MKRN2OS: variants seen among roughly 807,000 people sequenced by gnomAD.
MKRN2OS encodes the protein MKRN2 opposite strand protein.
A neutral mutation model predicts 18.2 loss-of-function variants in MKRN2OS; 17 were observed. The ratio of observed to expected loss-of-function variants is 0.93; its 90% CI spans 0.64 to 1.40. The LOEUF (loss-of-function observed/expected upper bound fraction) is 1.40, where lower values mean the gene tolerates loss of function less well. Among genes scored for constraint, MKRN2OS ranks in the 40% most tolerant of loss-of-function variants. The pLI is 0.00. For missense variants in MKRN2OS, 337 were observed against 283.0 expected, an observed-to-expected ratio of 1.19 and a Z score of -1.37; for synonymous variants, 121 against 108.5, an observed-to-expected ratio of 1.12 and a Z score of -0.72.
intron 1 of MKRN2OS, chr3:12,557,223 AG>A (rs1465946335): frequency 2.1e-5 from 32 of 1,523,462 alleles, no homozygotes; most frequent in Middle Eastern, 1.7e-4. Context: ...CCCAGGCCGC[AG>A]GGGGGCCGGT....
Position 12,540,103 on chromosome 3 carries a change from C to G in MKRN2OS, c.*90G>C. The G allele has an allele frequency of 6.6e-7, 1 of 1,504,772 alleles. No homozygotes were observed. Among genetic ancestry groups the G allele is most frequent in the Non-Finnish European group, 8.9e-7 (1 of 1,124,500 alleles). The allele number at this position is 1,504,772 out of a possible 1,614,324, so 93.2% of individuals were successfully genotyped here. On this transcript the variant is annotated 3_prime_UTR_variant, in exon 4 of 4. Coordinates refer to ENST00000564146, the MANE Select transcript of MKRN2OS (RefSeq NM_001195279.2). Reference sequence around the variant, plus strand: ...CCCGGCCCATACACGCTTTTATTAACCACAGTTAAATGCATTTAGAAATCC... The same window carrying G: ...CCCGGCCCATACACGCTTTTATTAAGCACAGTTAAATGCATTTAGAAATCC...
upstream of MKRN2OS, among the ~76,000 whole-genome samples, chr3:12,548,852 C>A (rs113266490): frequency 7.5e-3 from 1,148 of 152,146 alleles, 15 homozygotes; most frequent in African/African-American, 0.026. Flanking sequence ...TTTTCTCTAT[C>A]TTAATCTTGT....
rs751258208 is a variant in MKRN2OS at position 12,539,923 on chromosome 3, T to C, written c.*270A>G. The C allele has an allele frequency of 5.6e-5, 23 of 407,218 alleles. No homozygotes were observed. The highest frequency in any genetic ancestry group is 8.7e-5 in the Non-Finnish European group (19 of 217,492). The allele number at this position is 407,218 out of a possible 1,614,324, so 25.2% of individuals were successfully genotyped here. A position where few individuals can be genotyped will look rare whatever the true frequency, so the allele number is the denominator to read the frequency against. On this transcript the variant is annotated 3_prime_UTR_variant, in exon 4 of 4. Coordinates refer to ENST00000564146, the MANE Select transcript of MKRN2OS (RefSeq NM_001195279.2). ...GCTTCAGCCTCCCTAGTAGTTGGGA[T>C]TACAGGCATGCGCCACCATGCCCAG...
chr3:12,560,755 AC>A (rs1160637264), intron 1 of MKRN2OS: 1 of 152,264 alleles, frequency 6.6e-6, no homozygotes, highest in African/African-American at 2.4e-5. Flanking sequence ...GAAAGAACCT[AC>A]CTGCTCTGAG....
chr3:12,550,349 G>C (rs538756115), upstream of MKRN2OS, among the ~76,000 whole-genome samples: 15 of 152,206 alleles, frequency 9.9e-5, no homozygotes, highest in South Asian at 3.1e-3. Flanking sequence ...GGCTGTATAC[G>C]GTATGACTCC....
At chr3:12,557,303 G>A (rs1357502851) in intron 1 of MKRN2OS, 1 of 1,294,172 alleles carries the variant, frequency 7.7e-7, no homozygotes, top group Admixed American at 2.9e-5. Context: ...GGCTGTTCGC[G>A]GCGGGGCTTT....
chr3:12,546,301 G>A (rs2057882076), upstream of MKRN2OS, among the ~76,000 whole-genome samples: 1 of 152,072 alleles, frequency 6.6e-6, no homozygotes, highest in South Asian at 2.1e-4. Context: ...ATGTTCTGGG[G>A]ATTTTTTTAA....
intron 1 of MKRN2OS, chr3:12,556,968 C>T: frequency 1.8e-6 from 1 of 561,254 alleles, no homozygotes; most frequent in Non-Finnish European, 2.7e-6. Context: ...CGGTGCGGAA[C>T]CAATTGTGAC....
rs554874646 is a variant in MKRN2OS, at chr3:12,555,067, T to C, written n.265-933A>G. Among the ~76,000 whole-genome samples, 6 of 152,334 alleles carry C rather than the reference T, an allele frequency of 3.9e-5. No individual in the cohort carries two copies. The East Asian group carries it at 9.6e-4, about 24-fold the overall frequency. ...GCTCTCGCCCGTAATCCCAGCACTT[T>C]GGGAGGCCGAGGCGGGTGGATTGCC... On this transcript the variant is annotated intron_variant and non_coding_transcript_variant, in intron 1 of 1. Transcript: ENST00000447550.
intron 1 of MKRN2OS, chr3:12,557,015 A>T: frequency 1.0e-6 from 1 of 990,244 alleles, no homozygotes; most frequent in Non-Finnish European, 1.3e-6. Context: ...CAAAGGTGCC[A>T]CACCGGAGGG....
chr3:12,555,713 C>A (rs184538604), intron 1 of MKRN2OS, among the ~76,000 whole-genome samples: 405 of 152,288 alleles, frequency 2.7e-3, no homozygotes, highest in African/African-American at 9.1e-3. Context: ...TGGGAAGGAC[C>A]ATAAGGAAGC....
Position 12,542,004 on chromosome 3 carries a change from C to T in MKRN2OS, c.287G>A (p.Ser96Asn). Residue 96 changes from serine to asparagine, a missense_variant, in exon 3 of 4, where the codon AGT (serine) becomes AAT (asparagine). Coordinates refer to ENST00000564146, the MANE Select transcript of MKRN2OS (RefSeq NM_001195279.2). ...TCCGTCTCGCTGGACACCATGTGCA[C>T]TGTAATTATACACAACCCCTGCAAA... ...TNTNGVVYNY[S>N]AHGVQRDGEG... is the part of the protein sequence containing the mutation. 6.5e-7 allele frequency: 1 copy of T among 1,535,790 alleles called. No homozygotes were observed. The highest frequency in any genetic ancestry group is 2.4e-5 in the East Asian group (1 of 40,914).
chr3:12,558,023 G>C (rs919947169), intron 1 of MKRN2OS, among the ~76,000 whole-genome samples: 2 of 152,200 alleles, frequency 1.3e-5, no homozygotes, highest in African/African-American at 4.8e-5. Flanking sequence ...TGAATTGTAT[G>C]TTTGGAAAAC....
In MKRN2OS at chr3:12,557,054, A is replaced by T. The variant is rs955129846; in HGVS notation, n.265-2920T>A. The T allele has an allele frequency of 2.3e-4, 170 of 743,252 alleles. No individual in the cohort carries two copies. The Middle Eastern group carries it at 3.5e-3, about 15-fold the overall frequency. The allele number at this position is 743,252 out of a possible 1,614,324, so 46.0% of individuals were successfully genotyped here. On this transcript the variant is annotated intron_variant and non_coding_transcript_variant, in intron 1 of 1. Coordinates refer to the MKRN2OS transcript ENST00000447550. ...GCGTGCGCCGGCGTGCGCCGGCGTG[A>T]CGCGGCTACGCGGGATGGGCCGGGC... is the stretch of plus-strand genomic sequence containing the variant.
intron 1 of MKRN2OS, among the ~76,000 whole-genome samples, chr3:12,560,325 A>C (rs2058025790): frequency 6.6e-6 from 1 of 152,146 alleles, no homozygotes; most frequent in African/African-American, 2.4e-5. Flanking sequence ...CTTCACCACC[A>C]CACTGTACTT....
intron 2 of MKRN2OS, among the ~76,000 whole-genome samples, 167 bp from the exon 3 acceptor site, chr3:12,542,189 A>G (rs914377321): frequency 6.6e-6 from 1 of 152,150 alleles, no homozygotes; most frequent in African/African-American, 2.4e-5. Context: ...ATTTGCCTAC[A>G]GTCATGGAGG....
chr3:12,543,634 T>C (rs574522664), intron 1 of MKRN2OS, among the ~76,000 whole-genome samples: 5 of 145,112 alleles, frequency 3.4e-5, no homozygotes, highest in East Asian at 4.2e-4. Flanking sequence ...GCCTGTAATC[T>C]CAGCACTTTG....
At position 12,540,418 on chromosome 3, in the gene MKRN2OS, G is replaced by A. The variant is rs1439384624; in HGVS notation, c.447C>T (p.His149=). Residue 149 remains histidine, a synonymous_variant, in exon 4 of 4, where the codon CAC becomes CAT. Coordinates refer to ENST00000564146, the MANE Select transcript of MKRN2OS (RefSeq NM_001195279.2). ...AWLPHRYEDN[H]HNCYSYALTF... ...TGAGTGCGTAAGAGTAGCAGTTATG[G>A]TGGTTGTCTTCATACCTTATGGAGG... 1.2e-5 allele frequency: 19 copies of A among 1,536,112 alleles called. No homozygotes were observed. The highest frequency in any genetic ancestry group is 1.6e-5 in the Non-Finnish European group (18 of 1,146,910).
chr3:12,557,111 A>G (rs1372068327), intron 1 of MKRN2OS: 7 of 1,462,350 alleles, frequency 4.8e-6, no homozygotes, highest in Non-Finnish European at 6.3e-6. Flanking sequence ...AGCGGCTGCG[A>G]GAGGCGGCGG....
Sources: allele counts gnomAD v4.1 joint callset (sites outside exome capture counted in the v4.1 genomes callset), GRCh38; gene constraint gnomAD v4.1.1; transcripts MANE v1.5; gene names NCBI Gene and HGNC (gene_info 2026-07-23, HGNC 2026-07-21).